COG6: variants seen among roughly 807,000 people sequenced by gnomAD.
COG6 encodes the protein conserved oligomeric Golgi complex subunit 6.
A neutral mutation model predicts 88.8 loss-of-function variants in COG6; 74 were observed. That is an observed-to-expected ratio of 0.83 (90% CI 0.69 to 1.01). COG6 has a LOEUF of 1.01. Among genes scored for constraint, COG6 ranks in the 50% least tolerant of loss-of-function variants. The pLI is 0.00. For synonymous variants in COG6, 286 were observed against 278.7 expected, an observed-to-expected ratio of 1.03 and a Z score of -0.26; for missense variants, 800 against 797.9, an observed-to-expected ratio of 1.00 and a Z score of -0.03.
chr13:39,791,176 A>G (rs1331175332), exon 19 of COG6: 1 of 152,056 alleles, frequency 6.6e-6, no homozygotes, highest in African/African-American at 2.4e-5. Flanking sequence ...CACTTTCTAT[A>G]TGTATATCTA....
chr13:39,661,751 A>G (rs1874910789), intron 3 of COG6, among the ~76,000 whole-genome samples: 1 of 151,442 alleles, frequency 6.6e-6, no homozygotes, highest in African/African-American at 2.4e-5. Flanking sequence ...ATTAATGGCC[A>G]TTTCACATTT....
chr13:39,743,366 TAAAGA>T (rs1318260619), intron 18 of COG6, among the ~76,000 whole-genome samples: 1 of 151,392 alleles, frequency 6.6e-6, no homozygotes, highest in Non-Finnish European at 1.5e-5. Context: ...GCAAGACTAA[TAAAGA>T]AGAAAAGAGA....
chr13:39,669,669 G>A (rs1452923105), intron 4 of COG6, among the ~76,000 whole-genome samples: 1 of 152,130 alleles, frequency 6.6e-6, no homozygotes, highest in African/African-American at 2.4e-5. Context: ...CTTGTAATAT[G>A]GGGCTCTAAA....
chr13:39,681,973 G>C (rs1388916425), intron 7 of COG6, among the ~76,000 whole-genome samples, 198 bp from the exon 8 acceptor site: 1 of 152,030 alleles, frequency 6.6e-6, no homozygotes, highest in Non-Finnish European at 1.5e-5. Context: ...GTCATTTAAA[G>C]TTATATAACT....
At chr13:39,706,193 CTT>C (rs1216138016) in intron 13 of COG6, among the ~76,000 whole-genome samples, 2 of 130,054 alleles carry the variant, frequency 1.5e-5, no homozygotes, top group Admixed American at 7.9e-5. Flanking sequence ...TACACACACA[CTT>C]CTTTTATATA....
intron 9 of COG6, 21 bp downstream of exon 9, chr13:39,687,652 A>G (rs1876736828): frequency 6.2e-7 from 1 of 1,613,852 alleles, no homozygotes. Context: ...CAGACAGCAG[A>G]AGAGGAGTTG....
chr13:39,741,186 C>A (rs1029355816), intron 18 of COG6, among the ~76,000 whole-genome samples: 8 of 151,978 alleles, frequency 5.3e-5, no homozygotes, highest in African/African-American at 1.9e-4. Flanking sequence ...AGTTACATAT[C>A]TAGAGATTCT....
intron 18 of COG6, among the ~76,000 whole-genome samples, chr13:39,728,965 T>A (rs974591338): frequency 6.6e-6 from 1 of 152,090 alleles, no homozygotes; most frequent in African/African-American, 2.4e-5. Flanking sequence ...GCCCGGCCAA[T>A]GTGCTTCTTA....
chr13:39,726,374 TAAATG>T (rs1879136202), intron 17 of COG6, among the ~76,000 whole-genome samples: 1 of 152,038 alleles, frequency 6.6e-6, no homozygotes, highest in South Asian at 2.1e-4. Context: ...ACTACACAAA[TAAATG>T]AATGAAGAGT....
chr13:39,728,537 G>C (rs995211218), intron 18 of COG6, among the ~76,000 whole-genome samples: 1 of 151,374 alleles, frequency 6.6e-6, no homozygotes, highest in African/African-American at 2.4e-5. Flanking sequence ...TAGAGTAAAT[G>C]AATTTAATTT....
At chr13:39,768,393 C>G (rs989210579) in intron 18 of COG6, among the ~76,000 whole-genome samples, 1 of 152,210 alleles carries the variant, frequency 6.6e-6, no homozygotes, top group African/African-American at 2.4e-5. Flanking sequence ...TTGCAATTTC[C>G]TGGCCCACCC....
chr13:39,674,469 C>G (rs1399856404), intron 4 of COG6, among the ~76,000 whole-genome samples: 1 of 152,072 alleles, frequency 6.6e-6, no homozygotes, highest in African/African-American at 2.4e-5. Context: ...AAATCATGTT[C>G]TGGGCTGATT....
In COG6 at chr13:39,751,221, C is replaced by A. The variant is rs746080853; in HGVS notation, c.*128C>A. On this transcript the variant is annotated 3_prime_UTR_variant, in exon 19 of 19. Transcript: ENST00000455146. ...TCTTTGTATCATAAGATTGTAAGTCCCGATAATTTTTTTTTTTTTGGTCTC... is the reference window on the plus strand; with the variant it reads ...TCTTTGTATCATAAGATTGTAAGTCACGATAATTTTTTTTTTTTTGGTCTC... The A allele has an allele frequency of 1.3e-6, 2 of 1,518,134 alleles. No individual in the cohort carries two copies. Among genetic ancestry groups the A allele is most frequent in the South Asian group, 2.5e-5 (2 of 78,478 alleles). 94.0% of individuals were successfully genotyped at this position (1,518,134 alleles called of 1,614,324 possible).
intron 7 of COG6, among the ~76,000 whole-genome samples, chr13:39,681,325 T>C (rs1876301496): frequency 6.6e-6 from 1 of 152,184 alleles, no homozygotes; most frequent in South Asian, 2.1e-4. Context: ...CCATCTGGAG[T>C]GTTGTCTGCC....
rs1881164100 is a variant in COG6, at chr13:39,766,317, AG to A, written c.1827-22014del. 1.3e-5 allele frequency among the ~76,000 whole-genome samples: 2 copies of A among 152,288 alleles called. 1 individual carries two copies. The highest frequency in any genetic ancestry group is 4.8e-5 in the African/African-American group (2 of 41,566). ...GCCAATTTCTGTTTCATAACATTTC[AG>A]GGGCTTCCATTCAGAGGCTTCTGGA... On this transcript the variant is annotated intron_variant, in intron 18 of 18. Transcript: ENST00000416691.
intron 18 of COG6, among the ~76,000 whole-genome samples, chr13:39,739,352 A>T (rs561810258): frequency 1.3e-5 from 2 of 152,122 alleles, no homozygotes; most frequent in Admixed American, 1.3e-4. Flanking sequence ...CAGTTCACCT[A>T]TATGCCCTTT....
rs1444384886 is a variant in COG6 at position 39,752,301 on chromosome 13, A to G, written c.*1208A>G. ...GTATTTGTAGAAGATTATGTGTTGT[A>G]TATAACAAATTAGTATTTATAGAAT... is the stretch of plus-strand genomic sequence containing the variant. On this transcript the variant is annotated 3_prime_UTR_variant, in exon 19 of 19. Coordinates refer to ENST00000455146, the MANE Select transcript of COG6 (RefSeq NM_020751.3). 2.4e-6 allele frequency: 2 copies of G among 842,412 alleles called. No individual in the cohort carries two copies. Among genetic ancestry groups the G allele is most frequent in the Non-Finnish European group, 3.2e-6 (2 of 619,106 alleles). The allele number at this position is 842,412 out of a possible 1,614,324, so 52.2% of individuals were successfully genotyped here. A position where few individuals can be genotyped will look rare whatever the true frequency, so the allele number is the denominator to read the frequency against.
At chr13:39,779,928 T>C (rs1881578533) in intron 18 of COG6, among the ~76,000 whole-genome samples, 1 of 152,154 alleles carries the variant, frequency 6.6e-6, no homozygotes, top group South Asian at 2.1e-4. Flanking sequence ...TAAGAAACAT[T>C]TATTAGGCAC....
intron 18 of COG6, among the ~76,000 whole-genome samples, chr13:39,731,521 A>G (rs1879453335): frequency 6.6e-6 from 1 of 152,228 alleles, no homozygotes; most frequent in Admixed American, 6.5e-5. Flanking sequence ...TTGTGCATAT[A>G]TAAAATGTTC....
Sources: allele counts gnomAD v4.1 joint callset (sites outside exome capture counted in the v4.1 genomes callset), GRCh38; gene constraint gnomAD v4.1.1; transcripts MANE v1.5; gene names NCBI Gene and HGNC (gene_info 2026-07-23, HGNC 2026-07-21).